UCK2: variants seen among roughly 807,000 people sequenced by gnomAD.
The protein encoded by UCK2 is uridine-cytidine kinase 2, also known as cytidine monophosphokinase 2.
A neutral mutation model predicts 30.8 loss-of-function variants in UCK2; 6 were observed. The ratio of observed to expected loss-of-function variants is 0.19; its 90% CI spans 0.11 to 0.38. The LOEUF (loss-of-function observed/expected upper bound fraction) is 0.38, where lower values mean the gene tolerates loss of function less well. UCK2 is among the 10% of genes least tolerant of loss of function. The pLI is 1.00. For missense variants in UCK2, 210 were observed against 339.8 expected, an observed-to-expected ratio of 0.62 and a Z score of 3.00; for synonymous variants, 125 against 133.6, an observed-to-expected ratio of 0.94 and a Z score of 0.45.
chr1:165,860,124 G>A (rs907640042), intron 1 of UCK2, among the ~76,000 whole-genome samples: 14 of 152,192 alleles, frequency 9.2e-5, no homozygotes, highest in Admixed American at 7.9e-4. Context: ...CCCTGTGCAC[G>A]CAGTTGCACT....
intron 1 of UCK2, among the ~76,000 whole-genome samples, chr1:165,879,878 C>T (rs901146037): frequency 1.3e-5 from 2 of 152,096 alleles, no homozygotes; most frequent in Non-Finnish European, 2.9e-5. Context: ...GAAAAAGGAA[C>T]GGAAGTGGGT....
At chr1:165,866,510 G>C (rs894857150) in intron 1 of UCK2, among the ~76,000 whole-genome samples, 3 of 152,202 alleles carry the variant, frequency 2.0e-5, no homozygotes, top group Admixed American at 1.3e-4. Flanking sequence ...AATATAAATA[G>C]ATAATTTTAT....
intron 4 of UCK2, among the ~76,000 whole-genome samples, chr1:165,899,154 T>C (rs1372342659): frequency 6.6e-6 from 1 of 152,190 alleles, no homozygotes; most frequent in East Asian, 1.9e-4. Context: ...ACCTCCAGAT[T>C]CTGAGTTGAC....
rs1189472655 is a variant in UCK2 at position 165,856,024 on chromosome 1, A to G, written c.99+28092A>G. 2.6e-5 allele frequency among the ~76,000 whole-genome samples: 4 copies of G among 152,210 alleles called. No individual in the cohort carries two copies. The East Asian group carries it at 7.7e-4, about 29-fold the overall frequency. ...GAGTGTTGTGAGAATAAAATGTGAA[A>G]ATAGGTATGAAAATATATATAAACC... On this transcript the variant is annotated intron_variant, in intron 1 of 6. Coordinates refer to ENST00000367879, the MANE Select transcript of UCK2 (RefSeq NM_012474.5).
chr1:165,868,840 A>G (rs1290998484), intron 1 of UCK2, among the ~76,000 whole-genome samples: 1 of 152,124 alleles, frequency 6.6e-6, no homozygotes, highest in Non-Finnish European at 1.5e-5. Flanking sequence ...TTGCATTCAC[A>G]TCTTGGCTGA....
intron 1 of UCK2, among the ~76,000 whole-genome samples, chr1:165,867,501 G>C (rs1478730142): frequency 6.6e-5 from 10 of 152,156 alleles, no homozygotes; most frequent in African/African-American, 2.2e-4. Context: ...CTTAAACCTT[G>C]CCACTGCTTT....
chr1:165,846,226 C>T (rs1654444449), intron 1 of UCK2, among the ~76,000 whole-genome samples: 2 of 152,120 alleles, frequency 1.3e-5, no homozygotes, highest in South Asian at 2.1e-4. Context: ...CACTTGAGCC[C>T]AGTAGTTTGA....
intron 6 of UCK2, 24 bp from the exon 7 acceptor site, chr1:165,907,660 G>C (rs754331990): frequency 1.2e-6 from 2 of 1,612,738 alleles, no homozygotes; most frequent in Non-Finnish European, 1.7e-6. Flanking sequence ...CACCCGTAAC[G>C]CTCTGCTGGT....
intron 1 of UCK2, among the ~76,000 whole-genome samples, chr1:165,889,007 CTG>C (rs1466354759): frequency 1.3e-5 from 2 of 152,154 alleles, no homozygotes; most frequent in Non-Finnish European, 2.9e-5. Context: ...GTATTACTAT[CTG>C]TTTTTCTTTT....
At chr1:165,850,645 G>T (rs1283370112) in intron 1 of UCK2, among the ~76,000 whole-genome samples, 1 of 141,658 alleles carries the variant, frequency 7.1e-6, no homozygotes, top group Non-Finnish European at 1.5e-5. Context: ...TTGAGGTGGA[G>T]TCTGGTTCTG....
chr1:165,850,253 C>T (rs1654553828), intron 1 of UCK2, among the ~76,000 whole-genome samples: 1 of 151,684 alleles, frequency 6.6e-6, no homozygotes, highest in South Asian at 2.1e-4. Flanking sequence ...GCCTCAGCCT[C>T]CCGAGAAGCT....
At chr1:165,889,330 TGA>T (rs534255929) in intron 1 of UCK2, among the ~76,000 whole-genome samples, 28 of 152,238 alleles carry the variant, frequency 1.8e-4, no homozygotes, top group Non-Finnish European at 3.5e-4. Context: ...TTGGTTCCGT[TGA>T]TATAAAGAGA....
intron 1 of UCK2, among the ~76,000 whole-genome samples, chr1:165,889,366 C>T (rs1260043157): frequency 2.6e-5 from 4 of 152,228 alleles, no homozygotes; most frequent in African/African-American, 9.6e-5. Flanking sequence ...AGTGGCATTC[C>T]ATGGATGTGC....
chr1:165,854,761 A>T (rs976844964), intron 1 of UCK2, among the ~76,000 whole-genome samples: 4 of 152,030 alleles, frequency 2.6e-5, no homozygotes, highest in African/African-American at 9.7e-5. Context: ...CACTCTTCCC[A>T]CTTAACTCCT....
At chr1:165,848,421 C>T (rs1463795194) in intron 1 of UCK2, among the ~76,000 whole-genome samples, 5 of 152,170 alleles carry the variant, frequency 3.3e-5, no homozygotes, top group Non-Finnish European at 7.4e-5. Context: ...TGCTTGAGGC[C>T]AGGAGTTCGA....
At chr1:165,883,054 G>T (rs1655538356) in intron 1 of UCK2, among the ~76,000 whole-genome samples, 1 of 152,152 alleles carries the variant, frequency 6.6e-6, no homozygotes, top group African/African-American at 2.4e-5. Flanking sequence ...TTGATCTCTT[G>T]ACCTCGTGAT....
At position 165,879,338 on chromosome 1, in the gene UCK2, T is replaced by C. The variant is rs372021291; in HGVS notation, c.100-10866T>C. ...CATGCTTGGCTTGAGGTTCATTTTT[T>C]TGGTCGATGGATATCCATTCAGTTG... On this transcript the variant is annotated intron_variant, in intron 1 of 6. Coordinates refer to ENST00000367879, the MANE Select transcript of UCK2 (RefSeq NM_012474.5). Among the ~76,000 whole-genome samples, 2 of 152,268 alleles carry C rather than the reference T, an allele frequency of 1.3e-5. 1 individual carries two copies. The highest frequency in any genetic ancestry group is 4.1e-4 in the South Asian group (2 of 4,822).
At chr1:165,864,479 A>G (rs1412508449) in intron 1 of UCK2, among the ~76,000 whole-genome samples, 1 of 152,176 alleles carries the variant, frequency 6.6e-6, no homozygotes, top group East Asian at 1.9e-4. Context: ...CAGCCTGATT[A>G]TTGGGTATAC....
intron 1 of UCK2, among the ~76,000 whole-genome samples, chr1:165,842,674 G>GA (rs1654359324): frequency 6.6e-6 from 1 of 152,098 alleles, no homozygotes; most frequent in Non-Finnish European, 1.5e-5. Context: ...TGCCAATCTG[G>GA]ACCACCTCCA....
Sources: gnomAD v4.1 joint callset for allele counts (sites outside exome capture counted in the v4.1 genomes callset) on GRCh38, gnomAD v4.1.1 for gene constraint, MANE v1.5 for transcripts, NCBI Gene and HGNC (gene_info 2026-07-23, HGNC 2026-07-21) for gene names.